SEC24B: variants seen among roughly 807,000 people sequenced by gnomAD.
The protein encoded by SEC24B is SEC24 homolog B, COPII component.
SEC24B carries 45 observed loss-of-function variants against 142.8 expected under a neutral mutation model. The observed-to-expected ratio is 0.32, with a 90% CI of 0.25 to 0.40. The LOEUF (loss-of-function observed/expected upper bound fraction) is 0.40, where lower values mean the gene tolerates loss of function less well. Among genes scored for constraint, SEC24B ranks in the 10% least tolerant of loss-of-function variants. The pLI is 1.00. For missense variants in SEC24B, 1,409 were observed against 1,526.8 expected (o/e 0.92, Z 1.29); for synonymous variants, 574 against 568.2 (o/e 1.01, Z -0.15).
chr4:109,493,878 A>G (rs1411675281), intron 5 of SEC24B, among the ~76,000 whole-genome samples: 1 of 152,196 alleles, frequency 6.6e-6, no homozygotes, highest in Non-Finnish European at 1.5e-5. Flanking sequence ...TACAGGAGTG[A>G]GCTACCACGC....
intron 11 of SEC24B, among the ~76,000 whole-genome samples, chr4:109,519,064 C>G (rs1447692633): frequency 1.3e-5 from 2 of 152,098 alleles, no homozygotes; most frequent in Non-Finnish European, 2.9e-5. Flanking sequence ...ACCTCGGCCT[C>G]CCAAAGTGCT....
At position 109,483,003 on chromosome 4, in the gene SEC24B, C is replaced by CACACAT. The variant is rs1408633373; in HGVS notation, c.1165+1223_1165+1224insCACATA. On this transcript the variant is annotated intron_variant, in intron 4 of 23. Coordinates refer to ENST00000265175, the MANE Select transcript of SEC24B (RefSeq NM_006323.5). ...ATACACACACACACACACACACACA[C>CACACAT]ATATTATACATATGTTTTTTATATA... Among the ~76,000 whole-genome samples the CACACAT allele has an allele frequency of 5.2e-3, 435 of 83,608 alleles. 6 individuals are homozygous for CACACAT. The highest frequency in any genetic ancestry group is 0.032 in the African/African-American group (381 of 11,782). The allele number at this position is 83,608 out of a possible 152,430, so 54.9% of individuals were successfully genotyped here.
At position 109,527,159 on chromosome 4, in the gene SEC24B, C is replaced by T. The variant is rs1349123900; in HGVS notation, c.2966-163C>T. 2.0e-5 allele frequency among the ~76,000 whole-genome samples: 3 copies of T among 149,446 alleles called. No individual in the cohort carries two copies. The East Asian group carries it at 5.9e-4, about 29-fold the overall frequency. ...ACTTGAACCTAGGAGACAGAAGTTGCAGTGAGCTGTGATCACACCATTGCA... is the reference window on the plus strand; with the variant it reads ...ACTTGAACCTAGGAGACAGAAGTTGTAGTGAGCTGTGATCACACCATTGCA... On this transcript the variant is annotated intron_variant, in intron 17 of 23. Coordinates refer to ENST00000265175, the MANE Select transcript of SEC24B (RefSeq NM_006323.5).
intron 18 of SEC24B, among the ~76,000 whole-genome samples, chr4:109,528,041 A>G (rs528004376): frequency 7.9e-5 from 12 of 152,320 alleles, no homozygotes; most frequent in African/African-American, 2.6e-4. Flanking sequence ...TGAACTGTCA[A>G]TACTTAAACA....
intron 13 of SEC24B, 104 bp from the exon 14 acceptor site, chr4:109,521,316 A>G: frequency 9.2e-7 from 1 of 1,086,800 alleles, no homozygotes. Flanking sequence ...CTCAGTTTCC[A>G]GTCCCCAGAA....
At chr4:109,449,139 T>C (rs1025533582) in intron 1 of SEC24B, among the ~76,000 whole-genome samples, 3 of 152,176 alleles carry the variant, frequency 2.0e-5, no homozygotes, top group African/African-American at 7.2e-5. Flanking sequence ...TTATTACTGA[T>C]CATGTTAACC....
chr4:109,456,342 T>TTTTG (rs1730684933), intron 1 of SEC24B, among the ~76,000 whole-genome samples: 1 of 149,660 alleles, frequency 6.7e-6, no homozygotes, highest in Non-Finnish European at 1.5e-5. Context: ...TTGTTTTTTT[T>TTTTG]TTTTTTTTTT....
rs551499874 is a variant in SEC24B at position 109,452,522 on chromosome 4, T to C, written c.134-10379T>C. On this transcript the variant is annotated intron_variant, in intron 1 of 23. Transcript: ENST00000265175. ...AGATTATTTTTCAGGGTGGCTATAC[T>C]AGTATGTATTCCCTCCAACAATGAG... Among the ~76,000 whole-genome samples, 4 of 152,370 alleles carry C rather than the reference T, an allele frequency of 2.6e-5. No individual in the cohort carries two copies. In the South Asian group the frequency reaches 8.3e-4, roughly 32 times the overall value.
At chr4:109,533,710 AC>A (rs766276337) in intron 22 of SEC24B, 25 bp downstream of exon 22, 4 of 1,328,056 alleles carry the variant, frequency 3.0e-6, no homozygotes, top group Admixed American at 4.1e-5. Context: ...TACACCTTTA[AC>A]TTTTTGTTTG....
At chr4:109,450,850 G>A (rs547146934) in intron 1 of SEC24B, 6 of 151,182 alleles carry the variant, frequency 4.0e-5, no homozygotes, top group African/African-American at 1.5e-4. Flanking sequence ...GATTAGCATG[G>A]GAATTTTGAT....
chr4:109,462,761 A>G, intron 1 of SEC24B, 140 bp from the exon 2 acceptor site: 2 of 682,614 alleles, frequency 2.9e-6, no homozygotes, highest in South Asian at 1.9e-5. Flanking sequence ...GGCTACCATA[A>G]TGGGTCTATA....
intron 6 of SEC24B, among the ~76,000 whole-genome samples, chr4:109,499,084 C>A (rs1735835677): frequency 6.6e-6 from 1 of 151,804 alleles, no homozygotes; most frequent in African/African-American, 2.4e-5. Context: ...AAATATTAAC[C>A]AGTATTTCTA....
At chr4:109,446,735 G>A (rs1269409051) in intron 1 of SEC24B, among the ~76,000 whole-genome samples, 2 of 152,208 alleles carry the variant, frequency 1.3e-5, no homozygotes, top group Non-Finnish European at 1.5e-5. Context: ...ATTTTACATA[G>A]TGAAAGCTTT....
chr4:109,510,973 A>G (rs938745639), intron 8 of SEC24B, among the ~76,000 whole-genome samples: 4 of 152,114 alleles, frequency 2.6e-5, no homozygotes, highest in African/African-American at 9.7e-5. Flanking sequence ...GAAGTATAGA[A>G]AAGATCAAAA....
intron 1 of SEC24B, among the ~76,000 whole-genome samples, chr4:109,448,811 G>A (rs1380321529): frequency 6.6e-6 from 1 of 152,114 alleles, no homozygotes; most frequent in Non-Finnish European, 1.5e-5. Context: ...AAATTTTACT[G>A]ATGTTTCACC....
chr4:109,494,478 G>A lies in SEC24B; in HGVS notation c.1247-137G>A, dbSNP rs999872685. 19 of 969,628 alleles carry A rather than the reference G, an allele frequency of 2.0e-5. No homozygotes were observed. The South Asian group carries it at 3.1e-4, about 16-fold the overall frequency. The allele number at this position is 969,628 out of a possible 1,614,324, so 60.1% of individuals were successfully genotyped here. A position where few individuals can be genotyped will look rare whatever the true frequency, so the allele number is the denominator to read the frequency against. On this transcript the variant is annotated intron_variant, in intron 5 of 23. Coordinates refer to ENST00000265175, the MANE Select transcript of SEC24B (RefSeq NM_006323.5). ...GGGTTCATCATTCCCCCTACTTTGTGTGTGTCCAAAATTTCTTAGAATAAA... is the reference window on the plus strand; with the variant it reads ...GGGTTCATCATTCCCCCTACTTTGTATGTGTCCAAAATTTCTTAGAATAAA...
intron 8 of SEC24B, among the ~76,000 whole-genome samples, chr4:109,511,076 C>T (rs1357097703): frequency 6.6e-6 from 1 of 151,638 alleles, no homozygotes; most frequent in Non-Finnish European, 1.5e-5. Flanking sequence ...CTCTGAAAAC[C>T]TTATCTATAA....
chr4:109,449,525 C>T (rs913551294), intron 1 of SEC24B: 12 of 455,544 alleles, frequency 2.6e-5, no homozygotes, highest in Admixed American at 7.1e-5. Context: ...TGCCACTACG[C>T]CCAGACATTT....
At chr4:109,497,024 T>C (rs897887538) in intron 6 of SEC24B, among the ~76,000 whole-genome samples, 4 of 152,268 alleles carry the variant, frequency 2.6e-5, no homozygotes, top group Non-Finnish European at 4.4e-5. Context: ...CTTAGGACAA[T>C]AGTCTGCAAA....
Sources: allele counts gnomAD v4.1 joint callset (sites outside exome capture counted in the v4.1 genomes callset), GRCh38; gene constraint gnomAD v4.1.1; transcripts MANE v1.5; gene names NCBI Gene and HGNC (gene_info 2026-07-23, HGNC 2026-07-21).